Variants in MITF observed in about 807,000 individuals in gnomAD.
MITF encodes the protein melanocyte inducing transcription factor, also known as microphthalmia-associated transcription factor.
In MITF, 17 loss-of-function variants were observed where a neutral mutation model predicts 60.5. The ratio of observed to expected loss-of-function variants is 0.28; its 90% CI spans 0.19 to 0.42. The LOEUF (loss-of-function observed/expected upper bound fraction) is 0.42. Ranked by LOEUF, MITF falls within the 10% of genes least tolerant of loss-of-function variation. MITF has a pLI of 1.00. For missense variants in MITF, 622 were observed against 683.5 expected (o/e 0.91, Z 1.00); for synonymous variants, 260 against 248.5 (o/e 1.05, Z -0.43).
In MITF at chr3:69,968,120, A is replaced by G. The variant is rs1239453869; in HGVS notation, c.*2872A>G. On this transcript the variant is annotated 3_prime_UTR_variant, in exon 10 of 10. Coordinates refer to ENST00000352241, the MANE Select transcript of MITF (RefSeq NM_001354604.2). ...CTGGGAAAAAGTTGATGTCAATAAC[A>G]GTATAAAACAGCCCTATTTCTTGAT... 8.6e-6 allele frequency: 2 copies of G among 233,302 alleles called. No homozygotes were observed. The highest frequency in any genetic ancestry group is 1.7e-5 in the Non-Finnish European group (2 of 117,870). The allele number at this position is 233,302 out of a possible 1,614,324, so 14.5% of individuals were successfully genotyped here. A position where few individuals can be genotyped will look rare whatever the true frequency, so the allele number is the denominator to read the frequency against.
Position 69,966,033 on chromosome 3 carries a change from A to G in MITF, c.*785A>G. The G allele has an allele frequency of 4.3e-6, 1 of 232,416 alleles. No homozygotes were observed. Among genetic ancestry groups the G allele is most frequent in the Non-Finnish European group, 8.5e-6 (1 of 117,538 alleles). The allele number at this position is 232,416 out of a possible 1,614,324, so 14.4% of individuals were successfully genotyped here. A position where few individuals can be genotyped will look rare whatever the true frequency, so the allele number is the denominator to read the frequency against. ...GGAAATTAATGTCCTCTCAAAGTAAAATATTGAGGAGCACTGAAAGTATGT... is the reference window on the plus strand; with the variant it reads ...GGAAATTAATGTCCTCTCAAAGTAAGATATTGAGGAGCACTGAAAGTATGT... On this transcript the variant is annotated 3_prime_UTR_variant, in exon 10 of 10. Transcript: ENST00000352241.
intron 2 of MITF, among the ~76,000 whole-genome samples, chr3:69,917,762 G>A (rs1041856867): frequency 4.6e-5 from 7 of 152,046 alleles, no homozygotes; most frequent in African/African-American, 7.3e-5. Context: ...TCAGGATCTT[G>A]GTGGGCAGGT....
At chr3:69,844,344 A>G (rs62252237) in intron 1 of MITF, among the ~76,000 whole-genome samples, 22,636 of 152,242 alleles carry the variant, frequency 0.15, 2,021 homozygotes, top group South Asian at 0.21. Flanking sequence ...GATCTTTGAC[A>G]AACCTGACAA....
At chr3:69,934,068 A>C (rs1559729812) in intron 2 of MITF, among the ~76,000 whole-genome samples, 1 of 152,110 alleles carries the variant, frequency 6.6e-6, no homozygotes, top group Non-Finnish European at 1.5e-5. Context: ...GTCACACACC[A>C]CCTGTCCACA....
intron 1 of MITF, among the ~76,000 whole-genome samples, chr3:69,863,188 C>T (rs1159230812): frequency 6.6e-6 from 1 of 152,156 alleles, no homozygotes; most frequent in East Asian, 1.9e-4. Context: ...GGACATGGTT[C>T]TTGATATCCA....
intron 1 of MITF, among the ~76,000 whole-genome samples, chr3:69,861,631 T>C (rs996410485): frequency 6.6e-6 from 1 of 152,266 alleles, no homozygotes; most frequent in South Asian, 2.1e-4. Flanking sequence ...GGCATGTGAG[T>C]GTGAGTCTTG....
chr3:69,835,175 G>A (rs558245319), intron 1 of MITF, among the ~76,000 whole-genome samples: 48 of 151,800 alleles, frequency 3.2e-4, no homozygotes, highest in South Asian at 1.7e-3. Context: ...ATGCCACCAC[G>A]CCTGGCTGAT....
chr3:69,774,541 GC>G (rs2062443923), intron 1 of MITF, among the ~76,000 whole-genome samples: 1 of 152,162 alleles, frequency 6.6e-6, no homozygotes, highest in Non-Finnish European at 1.5e-5. Context: ...GTCACGTGGA[GC>G]CCTAGTCATT....
intron 1 of MITF, chr3:69,778,756 T>G (rs1420076961): frequency 6.6e-6 from 1 of 152,226 alleles, no homozygotes; most frequent in Non-Finnish European, 1.5e-5. Context: ...TTAAAGTATG[T>G]TAAATACATT....
rs547177278 is a variant in MITF at position 69,963,658 on chromosome 3, C to T, written c.1180-1189C>T. Reference sequence around the variant, plus strand: ...ATCAGATTGGACACCATCACCCCATCGCCCTTGTTTCCCAGGCCACAATGA... The same window carrying T: ...ATCAGATTGGACACCATCACCCCATTGCCCTTGTTTCCCAGGCCACAATGA... On this transcript the variant is annotated intron_variant, in intron 9 of 9. Coordinates refer to ENST00000352241, the MANE Select transcript of MITF (RefSeq NM_001354604.2). Among the ~76,000 whole-genome samples the T allele has an allele frequency of 1.1e-4, 17 of 152,312 alleles. No homozygotes were observed. In the South Asian group the frequency reaches 1.5e-3, roughly 13 times the overall value.
intron 2 of MITF, among the ~76,000 whole-genome samples, chr3:69,901,177 C>T (rs2064988213): frequency 6.9e-6 from 1 of 145,450 alleles, no homozygotes. Context: ...GGCCCTTTAA[C>T]CAAATAATCA....
intron 7 of MITF, among the ~76,000 whole-genome samples, chr3:69,953,765 G>A (rs2066327614): frequency 6.6e-6 from 1 of 151,714 alleles, no homozygotes; most frequent in African/African-American, 2.4e-5. Flanking sequence ...TTTCTACAAT[G>A]TGAACCAGAA....
chr3:69,925,463 T>G (rs540814730), intron 2 of MITF, among the ~76,000 whole-genome samples: 8 of 152,334 alleles, frequency 5.3e-5, no homozygotes, highest in Non-Finnish European at 1.0e-4. Context: ...CAGAGCATTA[T>G]ATAAGAAAGT....
chr3:69,889,504 T>C (rs897754726), intron 2 of MITF, among the ~76,000 whole-genome samples: 1 of 148,140 alleles, frequency 6.8e-6, no homozygotes. Context: ...AAAAAAAAAA[T>C]AGTGAAACTA....
intron 6 of MITF, among the ~76,000 whole-genome samples, chr3:69,950,627 GTATA>G (rs143648888): frequency 1.6e-4 from 22 of 137,958 alleles, no homozygotes; most frequent in East Asian, 2.1e-4. Context: ...TATATGGTGT[GTATA>G]TATATATATA....
rs77699402 is a variant in MITF, at chr3:69,749,971, G to C, written c.104+10270G>C. Among the ~76,000 whole-genome samples the C allele has an allele frequency of 7.3e-3, 1,115 of 152,320 alleles. 43 individuals carry two copies. In the East Asian group the frequency reaches 0.089, roughly 12 times the overall value. ...TTATATTTGGAAGCTTTAAATTGTT[G>C]ATTCAGCAGTGAATGAGAGAGTTTG... On this transcript the variant is annotated intron_variant, in intron 1 of 9. Coordinates refer to ENST00000352241, the MANE Select transcript of MITF (RefSeq NM_001354604.2).
At chr3:69,917,600 C>T (rs907706934) in intron 2 of MITF, among the ~76,000 whole-genome samples, 1 of 152,054 alleles carries the variant, frequency 6.6e-6, no homozygotes, top group Non-Finnish European at 1.5e-5. Context: ...ATTTCTATCC[C>T]TTGGAATCTA....
At chr3:69,745,769 T>C (rs1703702196) in intron 1 of MITF, among the ~76,000 whole-genome samples, 1 of 152,204 alleles carries the variant, frequency 6.6e-6, no homozygotes. Flanking sequence ...ACTTAACCAG[T>C]ACATCTGTGT....
chr3:69,880,803 G>A (rs1288565733), intron 2 of MITF, among the ~76,000 whole-genome samples: 4 of 151,952 alleles, frequency 2.6e-5, no homozygotes, highest in Non-Finnish European at 4.4e-5. Flanking sequence ...AACAAGATGT[G>A]GAGAAATATG....
Sources: allele counts gnomAD v4.1 joint callset (sites outside exome capture counted in the v4.1 genomes callset), GRCh38; gene constraint gnomAD v4.1.1; transcripts MANE v1.5; gene names NCBI Gene and HGNC (gene_info 2026-07-23, HGNC 2026-07-21).